PCDHGA7: variants seen among roughly 807,000 people sequenced by gnomAD.
PCDHGA7 encodes protocadherin gamma subfamily A, 7, also known as protocadherin gamma-A7.
A neutral mutation model predicts 58.3 loss-of-function variants in PCDHGA7; 44 were observed. The observed-to-expected ratio is 0.75, with a 90% CI of 0.59 to 0.97. The LOEUF (loss-of-function observed/expected upper bound fraction) is 0.97. Ranked by LOEUF, PCDHGA7 falls within the 50% of genes least tolerant of loss-of-function variation. The probability of loss-of-function intolerance (pLI) is 0.00; values close to 1 mark genes in which losing one functional copy is unlikely to be tolerated. For missense variants in PCDHGA7, 1,266 were observed against 1,188.7 expected (o/e 1.06, Z -0.96); for synonymous variants, 516 against 504.2 (o/e 1.02, Z -0.31).
chr5:141,441,750 A>C, intron 1 of PCDHGA7: 1 of 374,962 alleles, frequency 2.7e-6, no homozygotes, highest in South Asian at 2.1e-5. Context: ...GCTCGGCGTC[A>C]ACGTGAGCCT....
intron 1 of PCDHGA7, chr5:141,409,866 G>A (rs1268327848): frequency 3.7e-6 from 6 of 1,612,258 alleles, no homozygotes; most frequent in East Asian, 4.5e-5. Context: ...GTGGGAGACC[G>A]CAATGACAAC....
In PCDHGA7 at chr5:141,500,527, A is replaced by C. The variant is rs937551961; in HGVS notation, c.2484-4866A>C. On this transcript the variant is annotated intron_variant, in intron 2 of 3. Transcript: ENST00000518325. ...CCTGGCCGAGCTTCATTTTAAAAAA[A>C]TCTCATTCACCTAAATAAGTTGTTC... is the stretch of plus-strand genomic sequence containing the variant. 5.9e-5 allele frequency among the ~76,000 whole-genome samples: 9 copies of C among 152,298 alleles called. No individual in the cohort carries two copies. The South Asian group carries it at 6.2e-4, about 11-fold the overall frequency.
intron 1 of PCDHGA7, chr5:141,428,344 G>C (rs970552377): frequency 8.4e-6 from 5 of 596,498 alleles, no homozygotes; most frequent in Non-Finnish European, 1.5e-5. Context: ...CTTCTTCCTC[G>C]CAGTGATTTT....
At position 141,383,195 on chromosome 5, in the gene PCDHGA7, G is replaced by A. The variant is rs765730698; in HGVS notation, c.296G>A (p.Ser99Asn). The change falls in exon 1 of 4, where the codon AGT becomes AAT. Residue 99 changes from serine (S) to asparagine (N), a missense_variant. By Grantham distance (46) the Ser-to-Asn change is conservative. Transcript: ENST00000518325. ...GACCGGGAAGAGATCTGCGCTCAGA[G>A]TGCGCGGTGTCTGGTAAACTTTAAC... ...RIDREEICAQ[S>N]ARCLVNFNIL... 18 of 1,614,044 alleles carry A rather than the reference G, an allele frequency of 1.1e-5. No homozygotes were observed. Among genetic ancestry groups the A allele is most frequent in the Non-Finnish European group, 1.5e-5 (18 of 1,179,940 alleles).
Position 141,489,391 on chromosome 5 carries a change from G to C in PCDHGA7, c.2425-5416G>C. 6.2e-7 allele frequency: 1 copy of C among 1,614,174 alleles called. No individual in the cohort carries two copies. The highest frequency in any genetic ancestry group is 8.5e-7 in the Non-Finnish European group (1 of 1,180,022). ...GACGCTGGTGGGGAATGTTGCTCAG[G>C]ATCTGGGCTTAAAGATGACAGATCT... On this transcript the variant is annotated intron_variant, in intron 1 of 3. Transcript: ENST00000518325. This position sits in a 1 kb window ranked among gnomAD's most constrained non-coding sequence, Gnocchi z 4.5.
chr5:141,414,148 G>A, intron 1 of PCDHGA7: 1 of 1,598,900 alleles, frequency 6.3e-7, no homozygotes, highest in Non-Finnish European at 8.5e-7. Flanking sequence ...AGAAATACAA[G>A]CAGAAGATGG....
At chr5:141,479,685 G>A (rs749895405) in intron 1 of PCDHGA7, 3 of 152,248 alleles carry the variant, frequency 2.0e-5, no homozygotes, top group Non-Finnish European at 4.4e-5. Flanking sequence ...AGTCTTTTTG[G>A]TGCCTCCAGT....
intron 1 of PCDHGA7, among the ~76,000 whole-genome samples, chr5:141,469,909 C>G (rs760329158): frequency 2.0e-5 from 3 of 152,120 alleles, no homozygotes; most frequent in Non-Finnish European, 2.9e-5. Context: ...GGCAGGCAGA[C>G]CACCCGAGGT....
chr5:141,418,988 G>A, intron 1 of PCDHGA7: 1 of 1,613,946 alleles, frequency 6.2e-7, no homozygotes, highest in Non-Finnish European at 8.5e-7. Context: ...CCAAGACTCA[G>A]GGGAAAATGG....
intron 1 of PCDHGA7, chr5:141,409,541 G>T: frequency 6.2e-7 from 1 of 1,613,970 alleles, no homozygotes; most frequent in Non-Finnish European, 8.5e-7. Context: ...TGACATCAAC[G>T]ACAACGCCCC....
chr5:141,477,042 G>A lies in PCDHGA7; in HGVS notation c.2425-17765G>A. ...ACCGGGATGCTGACAATCAAGGGTC[G>A]GCTGGACTTCGAGGACACCAAACTC... On this transcript the variant is annotated intron_variant, in intron 1 of 3. Transcript: ENST00000518325. This position sits in a 1 kb window ranked among gnomAD's most constrained non-coding sequence, Gnocchi z 4.9. 1 of 1,614,238 alleles carries A rather than the reference G, an allele frequency of 6.2e-7. No homozygotes were observed. Among genetic ancestry groups the A allele is most frequent in the Non-Finnish European group, 8.5e-7 (1 of 1,180,040 alleles).
rs1225473275 is a variant in PCDHGA7 at position 141,512,442 on chromosome 5, TC to T, written c.*1271del. ...GGCCCCTGCCCTCCTGAAGCCTCAG[TC>T]CTTCACCTTGCCAGGTGCCGTTTCT... is the stretch of plus-strand genomic sequence containing the variant. On this transcript the variant is annotated 3_prime_UTR_variant, in exon 4 of 4. Transcript: ENST00000518325. 1 of 152,892 alleles carries T rather than the reference TC, an allele frequency of 6.5e-6. No individual in the cohort carries two copies. Among genetic ancestry groups the T allele is most frequent in the African/African-American group, 2.4e-5 (1 of 41,466 alleles). 9.5% of individuals were successfully genotyped at this position (152,892 alleles called of 1,614,324 possible).
At chr5:141,452,895 A>G (rs527695680) in intron 1 of PCDHGA7, among the ~76,000 whole-genome samples, 16 of 152,312 alleles carry the variant, frequency 1.1e-4, no homozygotes, top group African/African-American at 3.6e-4. Flanking sequence ...TTCCACTTTT[A>G]TTAGTTGGCA....
intron 1 of PCDHGA7, among the ~76,000 whole-genome samples, chr5:141,482,940 G>T (rs1245833250): frequency 6.6e-6 from 1 of 152,026 alleles, no homozygotes; most frequent in East Asian, 1.9e-4. Context: ...AGGTGTGGTT[G>T]TGGGTGCCTG....
In PCDHGA7 at chr5:141,383,396, C is replaced by G. The variant is rs749879106; in HGVS notation, c.497C>G (p.Ser166Cys). Residue 166 changes from serine to cysteine, a missense_variant, in exon 1 of 4, where the codon TCC (serine) becomes TGC (cysteine). Ser to Cys is a moderately radical substitution (Grantham distance 112). Coordinates refer to ENST00000518325, the MANE Select transcript of PCDHGA7 (RefSeq NM_018920.4). Reference sequence around the variant, plus strand: ...GGGGATCCAGATGTGGGCACGAACTCCCTCCAGAGTTACCAGCTCAGCCCC... The same window carrying G: ...GGGGATCCAGATGTGGGCACGAACTGCCTCCAGAGTTACCAGCTCAGCCCC... ...EAGDPDVGTNSLQSYQLSPNR... is the reference protein window; with the variant it reads ...EAGDPDVGTNCLQSYQLSPNR... 1.9e-6 allele frequency: 3 copies of G among 1,614,028 alleles called. No individual in the cohort carries two copies. Among genetic ancestry groups the G allele is most frequent in the Non-Finnish European group, 2.5e-6 (3 of 1,179,900 alleles).
intron 1 of PCDHGA7, among the ~76,000 whole-genome samples, chr5:141,484,122 T>C (rs1343894991): frequency 6.6e-6 from 1 of 152,180 alleles, no homozygotes; most frequent in African/African-American, 2.4e-5. Context: ...CAAGAATACC[T>C]TGGTGTCAGA....
At chr5:141,395,359 G>T in intron 1 of PCDHGA7, 2 of 1,289,368 alleles carry the variant, frequency 1.6e-6, no homozygotes, top group East Asian at 5.1e-5. Flanking sequence ...CAGAGTTTTG[G>T]GTTTATTTTG....
rs1304361659 is a variant in PCDHGA7 at position 141,494,859 on chromosome 5, C to T, written c.2477C>T (p.Thr826Ile). 2 of 1,614,134 alleles carry T rather than the reference C, an allele frequency of 1.2e-6. No individual in the cohort carries two copies. The highest frequency in any genetic ancestry group is 8.5e-7 in the Non-Finnish European group (1 of 1,180,012). Reference protein sequence around the residue: ...WRFSQAQRPGTSGSQNGDDTG... With the variant: ...WRFSQAQRPGISGSQNGDDTG... Reference sequence around the variant, plus strand: ...TTCTCTCAGGCCCAGAGACCCGGCACCAGCGGGTAGGTGACTGATTCTCCA... The same window carrying T: ...TTCTCTCAGGCCCAGAGACCCGGCATCAGCGGGTAGGTGACTGATTCTCCA... Residue 826 changes from threonine to isoleucine, a missense_variant, in exon 2 of 4, where the codon ACC becomes ATC. By Grantham distance (89) the Thr-to-Ile change is moderately conservative. Coordinates refer to ENST00000518325, the MANE Select transcript of PCDHGA7 (RefSeq NM_018920.4).
intron 3 of PCDHGA7, 78 bp from the exon 4 acceptor site, chr5:141,510,869 T>C: frequency 9.3e-6 from 15 of 1,608,708 alleles, no homozygotes; most frequent in Non-Finnish European, 1.3e-5. Flanking sequence ...AGGCATTCAT[T>C]AACTGCTGGG....
Sources: allele counts gnomAD v4.1 joint callset (sites outside exome capture counted in the v4.1 genomes callset), GRCh38; gene constraint gnomAD v4.1.1; non-coding constraint Gnocchi (gnomAD v3.1); transcripts MANE v1.5; gene names NCBI Gene and HGNC (gene_info 2026-07-23, HGNC 2026-07-21).